Variants in OGFR observed in about 807,000 individuals in gnomAD.
OGFR encodes protein 7-60.
OGFR carries 18 observed loss-of-function variants against 33.6 expected under a neutral mutation model. The ratio of observed to expected loss-of-function variants is 0.54; its 90% CI spans 0.37 to 0.80. The LOEUF is 0.80. Among genes scored for constraint, OGFR ranks in the 30% least tolerant of loss-of-function variants. The pLI is 0.00. For synonymous variants in OGFR, 370 were observed against 400.7 expected, an observed-to-expected ratio of 0.92 and a Z score of 0.91; for missense variants, 877 against 955.8, an observed-to-expected ratio of 0.92 and a Z score of 1.09.
Position 62,813,440 on chromosome 20 carries a change from C to G in OGFR, c.1825C>G (p.Pro609Ala). The G allele has an allele frequency of 6.7e-7, 1 of 1,499,968 alleles. No homozygotes were observed. Among genetic ancestry groups the G allele is most frequent in the Non-Finnish European group, 8.8e-7 (1 of 1,140,538 alleles). 92.9% of individuals were successfully genotyped at this position (1,499,968 alleles called of 1,614,324 possible). The change falls in exon 7 of 7, where the codon CCT becomes GCT. Residue 609 changes from proline (P) to alanine (A), a missense_variant. Physicochemically the swap from Pro to Ala is conservative, Grantham distance 27. Coordinates refer to ENST00000290291, the MANE Select transcript of OGFR (RefSeq NM_007346.4). ...SETPGPRPAG[P>A]AGDEPAESPS... ...GACCCCAGGCCCCCGCCCGGCAGGACCTGCAGGGGACGAGCCAGCCGAGAG... is the reference window on the plus strand; with the variant it reads ...GACCCCAGGCCCCCGCCCGGCAGGAGCTGCAGGGGACGAGCCAGCCGAGAG...
rs1022946611 is a variant in OGFR, at chr20:62,811,561, A to T, written c.565A>T (p.Thr189Ser). The T allele has an allele frequency of 1.9e-6, 3 of 1,605,356 alleles. No homozygotes were observed. The highest frequency in any genetic ancestry group is 2.7e-5 in the African/African-American group (2 of 74,718). The change falls in exon 6 of 7, where the codon ACG (threonine) becomes TCG (serine). Residue 189 changes from threonine to serine, a missense_variant. Around this residue, in one of 3 missense-constraint regions of OGFR, gnomAD observed 760 missense variants for 736.0 expected, o/e 1.03. Coordinates refer to ENST00000290291, the MANE Select transcript of OGFR (RefSeq NM_007346.4). ...CCGGCTGGAGGACCGAGGCACGGGC[A>T]CGGTGGGCCGAGCACAGAACTACCA... ...GIRLEDRGTG[T>S]VGRAQNYQKR... is the part of the protein sequence containing the mutation.
intron 6 of OGFR, among the ~76,000 whole-genome samples, chr20:62,811,912 C>T (rs763406791): frequency 3.9e-5 from 6 of 152,206 alleles, no homozygotes; most frequent in Non-Finnish European, 5.9e-5. Flanking sequence ...GTGTTCGAGG[C>T]GCCTGTACCC....
intron 4 of OGFR, 49 bp downstream of exon 4, chr20:62,809,712 GA>G: frequency 8.9e-7 from 1 of 1,128,866 alleles, no homozygotes; most frequent in East Asian, 2.4e-5. Context: ...GCCACAGGGG[GA>G]GGGCCCTCCC....
intron 3 of OGFR, 68 bp from the exon 4 acceptor site, chr20:62,809,517 C>A (rs77998271): frequency 8.2e-7 from 1 of 1,213,390 alleles, no homozygotes; most frequent in Non-Finnish European, 1.2e-6. Context: ...GTCCCCCACC[C>A]ACACCCCGTC....
chr20:62,804,895 G>T lies in OGFR; in HGVS notation c.36G>T (p.Glu12Asp). 1 of 1,496,732 alleles carries T rather than the reference G, an allele frequency of 6.7e-7. No individual in the cohort carries two copies. The highest frequency in any genetic ancestry group is 8.9e-7 in the Non-Finnish European group (1 of 1,123,656). The allele number at this position is 1,496,732 out of a possible 1,614,324, so 92.7% of individuals were successfully genotyped here. A position where few individuals can be genotyped will look rare whatever the true frequency, so the allele number is the denominator to read the frequency against. The change falls in exon 1 of 7, where the codon GAG becomes GAT. Residue 12 changes from glutamate (E) to aspartate (D), a missense_variant. By Grantham distance (45) the Glu-to-Asp change is conservative (BLOSUM62 2). This residue lies in a region of OGFR where 760 missense variants were observed against 736.0 expected (regional missense o/e 1.03). Coordinates refer to ENST00000290291, the MANE Select transcript of OGFR (RefSeq NM_007346.4). ...DDPDCDSTWE[E>D]DEEDAEDAED... Reference sequence around the variant, plus strand: ...CCGACTGCGACTCCACCTGGGAGGAGGACGAGGAGGATGCGGAGGACGCGG... The same window carrying T: ...CCGACTGCGACTCCACCTGGGAGGATGACGAGGAGGATGCGGAGGACGCGG...
rs150958358 is a variant in OGFR at position 62,812,905 on chromosome 20, A to G, written c.1290A>G (p.Glu430=). 1 of 1,612,468 alleles carries G rather than the reference A, an allele frequency of 6.2e-7. No individual in the cohort carries two copies. Among genetic ancestry groups the G allele is most frequent in the South Asian group, 1.1e-5 (1 of 91,078 alleles). ...SQGSLRTGTQ[E]VGGQDPGEAV... Reference sequence around the variant, plus strand: ...GCAGCCTCAGGACGGGGACCCAGGAAGTGGGCGGTCAGGACCCTGGGGAGG... The same window carrying G: ...GCAGCCTCAGGACGGGGACCCAGGAGGTGGGCGGTCAGGACCCTGGGGAGG... Residue 430 remains glutamate (E), a synonymous_variant, in exon 7 of 7, where the codon GAA becomes GAG. Coordinates refer to ENST00000290291, the MANE Select transcript of OGFR (RefSeq NM_007346.4).
chr20:62,808,442 G>C, intron 3 of OGFR, 117 bp downstream of exon 3: 2 of 722,940 alleles, frequency 2.8e-6, no homozygotes, highest in Non-Finnish European at 4.8e-6. Flanking sequence ...CTTTCAAATA[G>C]CCCCACAGTG....
chr20:62,809,705 A>G (rs1990681340), intron 4 of OGFR, 42 bp downstream of exon 4: 1 of 1,109,404 alleles, frequency 9.0e-7, no homozygotes, highest in East Asian at 3.0e-5. Context: ...TGGCGAGGCC[A>G]CAGGGGGAGG....
Position 62,813,779 on chromosome 20 carries a change from C to T in OGFR, c.*130C>T. The T allele has an allele frequency of 9.1e-7, 1 of 1,099,742 alleles. No homozygotes were observed. Among genetic ancestry groups the T allele is most frequent in the Non-Finnish European group, 1.3e-6 (1 of 750,552 alleles). 68.1% of individuals were successfully genotyped at this position (1,099,742 alleles called of 1,614,324 possible). ...GACCCATGACCCACAGTGCTGGCCT[C>T]CTGTGGGGCCACTATAGCAGCCACC... On this transcript the variant is annotated 3_prime_UTR_variant, in exon 7 of 7. Transcript: ENST00000290291.
chr20:62,808,130 C>A (rs747766348), intron 2 of OGFR, 117 bp from the exon 3 acceptor site: 61 of 830,034 alleles, frequency 7.3e-5, no homozygotes, highest in African/African-American at 5.8e-4. Context: ...CAGGCGGGCT[C>A]TTGGGGTATT....
In OGFR at chr20:62,812,500, C is replaced by G. The variant is rs200273242; in HGVS notation, c.885C>G (p.Phe295Leu). The G allele has an allele frequency of 6.3e-5, 100 of 1,583,014 alleles. No homozygotes were observed. In the East Asian group the frequency reaches 2.2e-3, roughly 34 times the overall value. The change falls in exon 7 of 7, where the codon TTC (phenylalanine) becomes TTG (leucine). Residue 295 changes from phenylalanine (F) to leucine (L), a missense_variant. This residue lies in a region of OGFR where 760 missense variants were observed against 736.0 expected (regional missense o/e 1.03). Coordinates refer to ENST00000290291, the MANE Select transcript of OGFR (RefSeq NM_007346.4). ...GGCCCCAAGACAAGCTGCGGAGGTTCAAGCCCAGCTCTCTGCCCCATCCGC... is the reference window on the plus strand; with the variant it reads ...GGCCCCAAGACAAGCTGCGGAGGTTGAAGCCCAGCTCTCTGCCCCATCCGC... The part of the protein sequence containing the change: ...VWGPQDKLRR[F>L]KPSSLPHPLE...
chr20:62,811,806 A>C (rs1264076951), intron 6 of OGFR, among the ~76,000 whole-genome samples, 196 bp downstream of exon 6: 1 of 152,190 alleles, frequency 6.6e-6, no homozygotes, highest in East Asian at 1.9e-4. Context: ...GAGAAGGTAA[A>C]GAATGCTCTT....
intron 1 of OGFR, chr20:62,805,660 C>T (rs1186514193): frequency 1.3e-5 from 2 of 152,302 alleles, no homozygotes; most frequent in Non-Finnish European, 2.9e-5. Flanking sequence ...TGCGGAGGGC[C>T]GGGAAGTGCA....
chr20:62,810,972 CAG>C (rs1403900019), intron 5 of OGFR, among the ~76,000 whole-genome samples: 15 of 152,252 alleles, frequency 9.9e-5, no homozygotes, highest in East Asian at 1.9e-4. Flanking sequence ...GACTTCCTCT[CAG>C]GGGAGGGCGG....
At chr20:62,807,374 C>T in intron 1 of OGFR, 163 bp from the exon 2 acceptor site, 1 of 656,420 alleles carries the variant, frequency 1.5e-6, no homozygotes, top group Non-Finnish European at 2.7e-6. Context: ...TGGGAACCCC[C>T]AAAAAAGAGC....
rs1294353100 is a variant in OGFR at position 62,812,743 on chromosome 20, C to A, written c.1128C>A (p.Pro376=). ...AGGHGEDRPE[P]LSPKESKKRK... ...GCCACGGGGAAGATAGGCCGGAGCC[C>A]TTAAGCCCCAAAGAGAGCAAGAAGA... The change falls in exon 7 of 7, where the codon CCC becomes CCA. Residue 376 remains proline (P), a synonymous_variant. Transcript: ENST00000290291. 10 of 1,607,726 alleles carry A rather than the reference C, an allele frequency of 6.2e-6. No individual in the cohort carries two copies. The highest frequency in any genetic ancestry group is 7.6e-6 in the Non-Finnish European group (9 of 1,177,650).
rs1269598897 is a variant in OGFR at position 62,813,747 on chromosome 20, G to C, written c.*98G>C. On this transcript the variant is annotated 3_prime_UTR_variant, in exon 7 of 7. Coordinates refer to ENST00000290291, the MANE Select transcript of OGFR (RefSeq NM_007346.4). ...GGGCTCCCCTCAGGCTCTGCTTCGT[G>C]ACCCGTGACCCATGACCCACAGTGC... 1 of 1,409,278 alleles carries C rather than the reference G, an allele frequency of 7.1e-7. No individual in the cohort carries two copies. The highest frequency in any genetic ancestry group is 1.0e-6 in the Non-Finnish European group (1 of 1,004,958). The allele number at this position is 1,409,278 out of a possible 1,614,324, so 87.3% of individuals were successfully genotyped here. A position where few individuals can be genotyped will look rare whatever the true frequency, so the allele number is the denominator to read the frequency against.
At chr20:62,810,700 C>G in intron 5 of OGFR, 135 bp downstream of exon 5, 1 of 701,264 alleles carries the variant, frequency 1.4e-6, no homozygotes, top group Non-Finnish European at 2.4e-6. Flanking sequence ...GCAGAAGGGC[C>G]GAAAGAGCCT....
chr20:62,805,677 T>C, intron 1 of OGFR: 1 of 152,320 alleles, frequency 6.6e-6, no homozygotes, highest in East Asian at 1.9e-4. Flanking sequence ...TGCATGGAAC[T>C]CGACGGCTCC....
Sources: allele counts gnomAD v4.1 joint callset (sites outside exome capture counted in the v4.1 genomes callset), GRCh38; gene constraint gnomAD v4.1.1; regional missense constraint gnomAD v4.1.1; transcripts MANE v1.5; gene names NCBI Gene and HGNC (gene_info 2026-07-23, HGNC 2026-07-21).